VRTN: variants seen among roughly 807,000 people sequenced by gnomAD.
VRTN encodes the protein vertebrae development associated.
VRTN carries 5 observed loss-of-function variants against 18.2 expected under a neutral mutation model. The observed-to-expected ratio is 0.27, with a 90% CI of 0.14 to 0.58. The LOEUF (loss-of-function observed/expected upper bound fraction) is 0.58. Ranked by LOEUF, VRTN falls within the 20% of genes least tolerant of loss-of-function variation. The pLI is 0.91. For missense variants in VRTN, 741 were observed against 939.4 expected (o/e 0.79, Z 2.76); for synonymous variants, 381 against 393.7 (o/e 0.97, Z 0.38).
chr14:74,324,928 A>G (rs557175483), intron 1 of VRTN, among the ~76,000 whole-genome samples: 4 of 152,070 alleles, frequency 2.6e-5, no homozygotes, highest in African/African-American at 7.2e-5. Context: ...AAATAAATAC[A>G]TTCTCATTCA....
At chr14:74,323,591 A>AG (rs2085469361) in intron 1 of VRTN, among the ~76,000 whole-genome samples, 1 of 152,012 alleles carries the variant, frequency 6.6e-6, no homozygotes, top group Admixed American at 6.6e-5. Flanking sequence ...CTAAAAAAAA[A>AG]AAACCAAACC....
upstream of VRTN, among the ~76,000 whole-genome samples, chr14:74,346,199 A>T (rs1048400904): frequency 5.3e-5 from 8 of 151,778 alleles, no homozygotes; most frequent in Admixed American, 2.6e-4. Flanking sequence ...GCTCCTCGGG[A>T]GGCTGAGGTG....
intron 1 of VRTN, among the ~76,000 whole-genome samples, chr14:74,323,514 G>A (rs899019241): frequency 2.6e-5 from 4 of 151,954 alleles, no homozygotes; most frequent in African/African-American, 9.7e-5. Flanking sequence ...AACCCGGGAA[G>A]TGCAGGCTGC....
At chr14:74,325,117 G>C (rs889903939) in intron 1 of VRTN, among the ~76,000 whole-genome samples, 21 of 152,028 alleles carry the variant, frequency 1.4e-4, no homozygotes, top group African/African-American at 5.1e-4. Flanking sequence ...CGCATCTTGG[G>C]AACAATGGAG....
chr14:74,356,545 G>C (rs1402861904), intron 1 of VRTN, among the ~76,000 whole-genome samples: 1 of 152,180 alleles, frequency 6.6e-6, no homozygotes, highest in African/African-American at 2.4e-5. Context: ...GCATAGAGAG[G>C]TTAAGTGATC....
At chr14:74,347,703 C>T (rs1024437227), upstream of VRTN, among the ~76,000 whole-genome samples, 3 of 152,188 alleles carry the variant, frequency 2.0e-5, no homozygotes, top group Admixed American at 6.5e-5. Context: ...ACTGGTTCCT[C>T]CTGGGATTAT....
intron 2 of VRTN, among the ~76,000 whole-genome samples, chr14:74,342,604 G>A (rs1245104520): frequency 6.6e-6 from 1 of 151,372 alleles, no homozygotes; most frequent in African/African-American, 2.4e-5. Flanking sequence ...ATAGGAAAAT[G>A]GGCAAAGGAT....
chr14:74,345,899 G>A (rs1469920288), upstream of VRTN, among the ~76,000 whole-genome samples: 3 of 148,690 alleles, frequency 2.0e-5, no homozygotes, highest in Non-Finnish European at 4.5e-5. Context: ...ACTCCAGCCT[G>A]GGCAACAACA....
Position 74,358,079 on chromosome 14 carries a change from A to G in VRTN, c.1296A>G (p.Ser432=). 6.2e-7 allele frequency: 1 copy of G among 1,613,554 alleles called. No homozygotes were observed. Residue 432 remains serine (S), a synonymous_variant, in exon 2 of 2, where the codon TCA becomes TCG. Transcript: ENST00000256362. This position sits in a 1 kb window ranked among gnomAD's most constrained non-coding sequence, Gnocchi z 5.4. ...TCAAACGCAGGTTCCCTGGCATCTC[A>G]CGGTCCACTTATTATAATTGGCGGC... ...RCFKRRFPGI[S]RSTYYNWRRK...
At chr14:74,331,544 T>TATATATATA (rs1555411068) in intron 1 of VRTN, among the ~76,000 whole-genome samples, 37 of 43,462 alleles carry the variant, frequency 8.5e-4, no homozygotes, top group Non-Finnish European at 1.3e-3. Flanking sequence ...AAAAAAAATT[T>TATATATATA]TATATATATA....
intron 1 of VRTN, among the ~76,000 whole-genome samples, chr14:74,304,848 C>A (rs1261647749): frequency 2.6e-5 from 4 of 151,850 alleles, no homozygotes; most frequent in African/African-American, 9.7e-5. Context: ...TTTTGAAAAC[C>A]AAAAAAATAG....
At chr14:74,351,544 GGGCTGGAGTGCAGT>G (rs2085684558) in intron 1 of VRTN, among the ~76,000 whole-genome samples, 1 of 143,564 alleles carries the variant, frequency 7.0e-6, no homozygotes, top group Non-Finnish European at 1.5e-5. Context: ...TCTGACACCC[GGGCTGGAGTGCAGT>G]GGCATAATCT....
At chr14:74,334,176 A>G (rs1351743408) in intron 1 of VRTN, among the ~76,000 whole-genome samples, 5 of 152,190 alleles carry the variant, frequency 3.3e-5, no homozygotes, top group African/African-American at 9.7e-5. Flanking sequence ...TTTGGCTCTG[A>G]GGTTCCTGGA....
chr14:74,348,819 A>G, intron 1 of VRTN, among the ~76,000 whole-genome samples, 167 bp downstream of exon 1: 1 of 151,934 alleles, frequency 6.6e-6, no homozygotes, highest in African/African-American at 2.4e-5. Context: ...GTGTATGTAG[A>G]GGGAGAGGAC....
intron 1 of VRTN, chr14:74,305,426 C>T (rs2085341039): frequency 2.7e-5 from 5 of 183,170 alleles, no homozygotes; most frequent in Non-Finnish European, 4.8e-5. Flanking sequence ...CAGAGTAATG[C>T]CCAAATCAAA....
intron 1 of VRTN, among the ~76,000 whole-genome samples, chr14:74,303,843 ATTTTTTTTTTTTT>A (rs67822776): frequency 1.1e-5 from 1 of 88,498 alleles, no homozygotes; most frequent in Admixed American, 1.4e-4. Flanking sequence ...ACAATTACAG[ATTTTTTTTTTTTT>A]TTTTTTTTTT....
chr14:74,312,119 C>T (rs914158669), intron 1 of VRTN, among the ~76,000 whole-genome samples: 1 of 152,210 alleles, frequency 6.6e-6, no homozygotes, highest in Non-Finnish European at 1.5e-5. Flanking sequence ...AAGTTTGTGA[C>T]AAACCCATTG....
intron 1 of VRTN, among the ~76,000 whole-genome samples, chr14:74,352,566 T>A (rs1288255583): frequency 6.6e-6 from 1 of 152,176 alleles, no homozygotes; most frequent in African/African-American, 2.4e-5. Flanking sequence ...TTTGTTTTGC[T>A]TTTTGGGGAC....
intron 1 of VRTN, among the ~76,000 whole-genome samples, chr14:74,313,376 A>G (rs2085400808): frequency 6.6e-6 from 1 of 152,204 alleles, no homozygotes; most frequent in Non-Finnish European, 1.5e-5. Context: ...TGAGCAAAAA[A>G]AAAGAAATTC....
Sources: gnomAD v4.1 joint callset for allele counts (sites outside exome capture counted in the v4.1 genomes callset) on GRCh38, gnomAD v4.1.1 for gene constraint, Gnocchi (gnomAD v3.1) non-coding constraint, MANE v1.5 for transcripts, NCBI Gene and HGNC (gene_info 2026-07-23, HGNC 2026-07-21) for gene names.